Variants in ASAP1 observed in about 807,000 individuals in gnomAD.
ASAP1 encodes ArfGAP with SH3 domain, ankyrin repeat and PH domain 1.
In ASAP1, 43 loss-of-function variants were observed where a neutral mutation model predicts 145.2. The ratio of observed to expected loss-of-function variants is 0.30; its 90% CI spans 0.23 to 0.38. The LOEUF (loss-of-function observed/expected upper bound fraction) is 0.38. Ranked by LOEUF, ASAP1 falls within the 10% of genes least tolerant of loss-of-function variation. ASAP1 has a pLI of 1.00. For synonymous variants in ASAP1, 546 were observed against 515.5 expected, an observed-to-expected ratio of 1.06 and a Z score of -0.80; for missense variants, 1,018 against 1,355.3, an observed-to-expected ratio of 0.75 and a Z score of 3.91.
intron 27 of ASAP1, among the ~76,000 whole-genome samples, chr8:130,072,825 G>GTGCGTGTGCGTGCGCGCGCGCA: frequency 1.8e-5 from 1 of 54,098 alleles, no homozygotes; most frequent in Non-Finnish European, 3.6e-5. Flanking sequence ...GTGTGTGTGT[G>GTGCGTGTGCGTGCGCGCGCGCA]CGCGCGGGGG....
chr8:130,295,616 G>A (rs934696298), intron 3 of ASAP1, among the ~76,000 whole-genome samples: 1 of 152,208 alleles, frequency 6.6e-6, no homozygotes, highest in South Asian at 2.1e-4. Context: ...TGTGACTGAT[G>A]CTGGAAGGCC....
intron 11 of ASAP1, among the ~76,000 whole-genome samples, chr8:130,164,129 A>AAAG (rs939408671): frequency 9.8e-5 from 15 of 152,356 alleles, no homozygotes; most frequent in African/African-American, 3.6e-4. Flanking sequence ...ACCAGGCTAC[A>AAAG]GGACAGATAC....
At chr8:130,162,586 A>T (rs1483724639) in intron 11 of ASAP1, among the ~76,000 whole-genome samples, 1 of 152,176 alleles carries the variant, frequency 6.6e-6, no homozygotes, top group Non-Finnish European at 1.5e-5. Flanking sequence ...TGGGAGGCTG[A>T]GGCGGGTGGA....
chr8:130,339,283 A>G (rs1211458864), intron 3 of ASAP1, among the ~76,000 whole-genome samples: 1 of 152,210 alleles, frequency 6.6e-6, no homozygotes, highest in East Asian at 1.9e-4. Flanking sequence ...AAAATAACGT[A>G]AAGAAAAATT....
chr8:130,118,596 T>G lies in ASAP1; in HGVS notation c.1687A>C (p.Lys563Gln). The change falls in exon 19 of 30, where the codon AAA (lysine) becomes CAA (glutamine). Residue 563 changes from lysine to glutamine, a missense_variant. Lys to Gln is a moderately conservative substitution (Grantham distance 53, BLOSUM62 1). Transcript: ENST00000518721. ...ATGGCCTCAAGCAATTCATTTAGTT[T>G]AGCTGATGAAGTTGAACAGGTCTTC... The part of the protein sequence containing the change: ...SRKTCSTSSA[K>Q]LNELLEAIKS... The G allele has an allele frequency of 1.9e-6, 3 of 1,614,084 alleles. No homozygotes were observed. In the African/African-American group the frequency reaches 4.0e-5, roughly 22 times the overall value.
Position 130,116,927 on chromosome 8 carries a change from G to C in ASAP1, c.1949C>G (p.Pro650Arg), listed in dbSNP as rs373154942. Reference sequence around the variant, plus strand: ...CCTGAGCAAAAGCTTCAAACACTCAGGTTTACTGTACATACTACAGTAGTG... The same window carrying C: ...CCTGAGCAAAAGCTTCAAACACTCACGTTTACTGTACATACTACAGTAGTG... ...VLHYCSMYSK[P>R]ECLKLLLRSK... Residue 650 changes from proline to arginine, a missense_variant, in exon 21 of 30, where the codon CCT (proline) becomes CGT (arginine). Pro to Arg is a moderately radical substitution (Grantham distance 103). Transcript: ENST00000518721. 1.9e-5 allele frequency: 31 copies of C among 1,613,892 alleles called. No individual in the cohort carries two copies. Among genetic ancestry groups the C allele is most frequent in the Non-Finnish European group, 2.5e-5 (30 of 1,179,980 alleles).
At chr8:130,306,241 C>T (rs1822985297) in intron 3 of ASAP1, among the ~76,000 whole-genome samples, 1 of 152,172 alleles carries the variant, frequency 6.6e-6, no homozygotes, top group Non-Finnish European at 1.5e-5. Flanking sequence ...GCAGAGTAGG[C>T]ACTTAGAAGG....
intron 3 of ASAP1, among the ~76,000 whole-genome samples, chr8:130,328,366 A>G (rs944508028): frequency 2.0e-5 from 3 of 152,208 alleles, no homozygotes; most frequent in Non-Finnish European, 4.4e-5. Context: ...TGCAGGTGAC[A>G]ACCTTTATAC....
intron 27 of ASAP1, among the ~76,000 whole-genome samples, chr8:130,064,351 T>C (rs567738038): frequency 5.3e-5 from 8 of 152,122 alleles, no homozygotes; most frequent in Non-Finnish European, 1.2e-4. Context: ...CAGGATGTGG[T>C]GTGTGAGAGA....
chr8:130,424,147 TA>T (rs780749603), intron 1 of ASAP1, among the ~76,000 whole-genome samples: 5 of 151,754 alleles, frequency 3.3e-5, no homozygotes, highest in Admixed American at 6.6e-5. Flanking sequence ...GCCTTGAGGT[TA>T]AAAAAAAATC....
At chr8:130,160,065 G>A (rs1234022776) in intron 11 of ASAP1, 101 bp from the exon 12 acceptor site, 1 of 973,252 alleles carries the variant, frequency 1.0e-6, no homozygotes, top group African/African-American at 1.6e-5. Context: ...TGGGTCTAAG[G>A]GAATTATGGA....
Position 130,215,714 on chromosome 8 carries a change from A to T in ASAP1, c.260-1013T>A, listed in dbSNP as rs559421773. ...AGCCGAGACCGCGTCACTGCACTCC[A>T]GCCTGAGCAACAGAGTGAGACTCTG... On this transcript the variant is annotated intron_variant, in intron 4 of 29. Transcript: ENST00000518721. 1.4e-4 allele frequency among the ~76,000 whole-genome samples: 22 copies of T among 152,240 alleles called. No individual in the cohort carries two copies. The South Asian group carries it at 4.6e-3, about 32-fold the overall frequency.
rs547556662 is a variant in ASAP1 at position 130,145,482 on chromosome 8, T to C, written c.1080+7254A>G. ...ACAGGCACGCGCCACCACACCCGGC[T>C]ACTTTTCTGTATTTTTAGTAGAGAC... is the stretch of plus-strand genomic sequence containing the variant. On this transcript the variant is annotated intron_variant, in intron 13 of 29. Transcript: ENST00000518721. 7.2e-5 allele frequency among the ~76,000 whole-genome samples: 11 copies of C among 152,228 alleles called. No individual in the cohort carries two copies. The South Asian group carries it at 2.1e-3, about 29-fold the overall frequency.
chr8:130,276,480 A>G (rs1166094840), intron 3 of ASAP1, among the ~76,000 whole-genome samples: 6 of 152,152 alleles, frequency 3.9e-5, no homozygotes, highest in African/African-American at 1.4e-4. Context: ...CCAGCTTGCT[A>G]AGCCATGTGA....
intron 18 of ASAP1, 88 bp from the exon 19 acceptor site, chr8:130,118,763 T>C (rs1261836964): frequency 2.0e-6 from 2 of 989,526 alleles, no homozygotes; most frequent in East Asian, 5.5e-5. Flanking sequence ...TTTGAGAAGT[T>C]ATTTTAATTA....
intron 3 of ASAP1, among the ~76,000 whole-genome samples, chr8:130,266,932 C>G (rs1379000598): frequency 2.0e-5 from 3 of 151,072 alleles, no homozygotes; most frequent in Non-Finnish European, 4.4e-5. Context: ...AAATGAAGCA[C>G]AGAGAAAGAA....
At chr8:130,175,379 C>G (rs1813882265) in intron 9 of ASAP1, among the ~76,000 whole-genome samples, 1 of 152,114 alleles carries the variant, frequency 6.6e-6, no homozygotes, top group Admixed American at 6.5e-5. Flanking sequence ...TGCCACCACA[C>G]CAGGGTAATT....
intron 3 of ASAP1, among the ~76,000 whole-genome samples, chr8:130,350,562 A>G (rs1825938629): frequency 6.6e-6 from 1 of 152,214 alleles, no homozygotes; most frequent in African/African-American, 2.4e-5. Context: ...TACACCACTG[A>G]GCTGATGCAT....
At chr8:130,322,145 A>T (rs1824046480) in intron 3 of ASAP1, among the ~76,000 whole-genome samples, 1 of 152,210 alleles carries the variant, frequency 6.6e-6, no homozygotes, top group Non-Finnish European at 1.5e-5. Flanking sequence ...CAGCAAGTAA[A>T]ACACACAAAA....
Sources: allele counts gnomAD v4.1 joint callset (sites outside exome capture counted in the v4.1 genomes callset), GRCh38; gene constraint gnomAD v4.1.1; transcripts MANE v1.5; gene names NCBI Gene and HGNC (gene_info 2026-07-23, HGNC 2026-07-21).